Variants in CNIH3 observed in about 807,000 individuals in gnomAD.
CNIH3 encodes protein cornichon homolog 3.
In CNIH3, 14 loss-of-function variants were observed where a neutral mutation model predicts 24.1. The ratio of observed to expected loss-of-function variants is 0.58; its 90% CI spans 0.38 to 0.91. The LOEUF (loss-of-function observed/expected upper bound fraction) is 0.91, where lower values mean the gene tolerates loss of function less well. Ranked by LOEUF, CNIH3 falls within the 40% of genes least tolerant of loss-of-function variation. The probability of loss-of-function intolerance (pLI) is 0.00; values close to 1 mark genes in which losing one functional copy is unlikely to be tolerated. For synonymous variants in CNIH3, 68 were observed against 73.8 expected, an observed-to-expected ratio of 0.92 and a Z score of 0.40; for missense variants, 178 against 196.8, an observed-to-expected ratio of 0.90 and a Z score of 0.57.
intron 1 of CNIH3, among the ~76,000 whole-genome samples, chr1:224,436,426 T>G (rs186054404): frequency 6.6e-6 from 1 of 152,356 alleles, no homozygotes. Context: ...AAGACTTGCT[T>G]CTGAATAAAG....
In CNIH3 at chr1:224,684,804, G is replaced by T; in HGVS notation, c.159G>T (p.Arg53=). The change falls in exon 3 of 6, where the codon CGG becomes CGT. Residue 53 remains arginine, a synonymous_variant. Coordinates refer to ENST00000272133, the MANE Select transcript of CNIH3 (RefSeq NM_152495.2). The surrounding 1 kb of genome is among the most constrained non-coding windows in gnomAD (Gnocchi z 4.2). ...DQCNPVHARE[R]LRNIERICFL... ...CTTGTGCATCCTGATAGAGGGAACG[G>T]TTGAGGAACATCGAGCGCATCTGCT... The T allele has an allele frequency of 6.2e-7, 1 of 1,614,094 alleles. No individual in the cohort carries two copies. Among genetic ancestry groups the T allele is most frequent in the East Asian group, 2.2e-5 (1 of 44,876 alleles).
chr1:224,646,791 AAAT>A (rs1684627018), intron 1 of CNIH3, among the ~76,000 whole-genome samples: 1 of 152,156 alleles, frequency 6.6e-6, no homozygotes, highest in Non-Finnish European at 1.5e-5. Flanking sequence ...CGGTTGACAG[AAAT>A]AATATTTGTT....
Position 224,684,788 on chromosome 1 carries a change from C to T in CNIH3, c.151-8C>T. 5.6e-6 allele frequency: 9 copies of T among 1,613,664 alleles called. No homozygotes were observed. The highest frequency in any genetic ancestry group is 7.6e-6 in the Non-Finnish European group (9 of 1,179,582). On this transcript the variant is annotated splice_polypyrimidine_tract_variant and splice_region_variant and intron_variant, in intron 2 of 5. Transcript: ENST00000272133. The surrounding 1 kb of genome is among the most constrained non-coding windows in gnomAD (Gnocchi z 4.2). Reference sequence around the variant, plus strand: ...CCCCTCTCATTTCTTTCTTGTGCATCCTGATAGAGGGAACGGTTGAGGAAC... The same window carrying T: ...CCCCTCTCATTTCTTTCTTGTGCATTCTGATAGAGGGAACGGTTGAGGAAC...
intron 3 of CNIH3, among the ~76,000 whole-genome samples, chr1:224,721,994 C>T (rs1688748425): frequency 6.6e-6 from 1 of 152,118 alleles, no homozygotes; most frequent in African/African-American, 2.4e-5. Context: ...AAGCCAGGAG[C>T]CAGAGACAAC....
intron 3 of CNIH3, among the ~76,000 whole-genome samples, chr1:224,689,196 C>G (rs1361774945): frequency 1.3e-5 from 2 of 152,132 alleles, no homozygotes; most frequent in Non-Finnish European, 2.9e-5. Context: ...TCCATGTAAC[C>G]CACAGTGTGT....
chr1:224,733,132 C>A (rs1412437562), intron 4 of CNIH3, among the ~76,000 whole-genome samples: 1 of 152,190 alleles, frequency 6.6e-6, no homozygotes, highest in African/African-American at 2.4e-5. Context: ...CTGCTGTTGA[C>A]TCAGTACCTG....
chr1:224,677,559 C>T (rs1433383736), intron 1 of CNIH3, among the ~76,000 whole-genome samples: 1 of 152,230 alleles, frequency 6.6e-6, no homozygotes, highest in East Asian at 1.9e-4. Context: ...TCTCATGGAG[C>T]TCAAAGGCAT....
chr1:224,730,200 G>A (rs1300415871), intron 3 of CNIH3: 1 of 350,190 alleles, frequency 2.9e-6, no homozygotes, highest in South Asian at 6.2e-5. Flanking sequence ...CTAGGAGCAA[G>A]CGTGGTATTC....
intron 2 of CNIH3, among the ~76,000 whole-genome samples, chr1:224,522,438 C>T (rs1047982066): frequency 2.6e-5 from 4 of 152,078 alleles, no homozygotes; most frequent in African/African-American, 9.7e-5. Flanking sequence ...CAACCATCCT[C>T]GGGGTTATCA....
chr1:224,598,103 A>G (rs1036731237), intron 3 of CNIH3, among the ~76,000 whole-genome samples: 1 of 152,248 alleles, frequency 6.6e-6, no homozygotes, highest in African/African-American at 2.4e-5. Context: ...CCATTCTAAC[A>G]TGCCATTAAG....
rs1272444756 is a variant in CNIH3 at position 224,684,760 on chromosome 1, C to G, written c.151-36C>G. 1.9e-6 allele frequency: 3 copies of G among 1,598,196 alleles called. No homozygotes were observed. The highest frequency in any genetic ancestry group is 1.3e-5 in the African/African-American group (1 of 74,572). On this transcript the variant is annotated intron_variant, in intron 2 of 5. Coordinates refer to ENST00000272133, the MANE Select transcript of CNIH3 (RefSeq NM_152495.2). This position sits in a 1 kb window ranked among gnomAD's most constrained non-coding sequence, Gnocchi z 4.2. ...CATGCTATTTTAGCAGAACCCCTAA[C>G]CTCCCCTCTCATTTCTTTCTTGTGC...
chr1:224,736,326 A>G (rs1689589901), intron 5 of CNIH3, among the ~76,000 whole-genome samples: 2 of 150,102 alleles, frequency 1.3e-5, no homozygotes, highest in South Asian at 2.1e-4. Context: ...GGGTTTTGCT[A>G]TGTTGCCCAG....
At chr1:224,504,994 T>TCCCTCCCTCCC (rs1677833672) in intron 1 of CNIH3, among the ~76,000 whole-genome samples, 1 of 67,902 alleles carries the variant, frequency 1.5e-5, no homozygotes, top group African/African-American at 6.3e-5. Flanking sequence ...TATTTTCCCT[T>TCCCTCCCTCCC]TCCCTCCCTC....
At chr1:224,547,049 C>T (rs995093355) in intron 3 of CNIH3, 5 of 221,330 alleles carry the variant, frequency 2.3e-5, no homozygotes, top group East Asian at 1.8e-4. Context: ...TGTGCATACA[C>T]GCAAGGTTGT....
At chr1:224,731,930 AG>A (rs1310826467) in intron 4 of CNIH3, among the ~76,000 whole-genome samples, 1 of 152,270 alleles carries the variant, frequency 6.6e-6, no homozygotes, top group African/African-American at 2.4e-5. Context: ...GTTGGCAGGC[AG>A]CTGAGAGTAT....
chr1:224,739,295 C>CTTT lies in CNIH3; in HGVS notation c.456-11_456-9dup, dbSNP rs11342205. 1,419 of 1,341,802 alleles carry CTTT rather than the reference C, an allele frequency of 1.1e-3. 1 individual carries two copies. The highest frequency in any genetic ancestry group is 3.8e-3 in the South Asian group (282 of 74,508). The allele number at this position is 1,341,802 out of a possible 1,614,324, so 83.1% of individuals were successfully genotyped here. Reference sequence around the variant, plus strand: ...TGGGCTTCTACTAACACCTTCCTCTCTTTTTTTTTTTTTTTTTTTTTTTTT... The same window carrying CTTT: ...TGGGCTTCTACTAACACCTTCCTCTCTTTTTTTTTTTTTTTTTTTTTTTTTTTT... On this transcript the variant is annotated intron_variant, in intron 5 of 5. Coordinates refer to ENST00000272133, the MANE Select transcript of CNIH3 (RefSeq NM_152495.2).
At chr1:224,651,261 GA>G (rs1173666266) in intron 1 of CNIH3, among the ~76,000 whole-genome samples, 3 of 152,146 alleles carry the variant, frequency 2.0e-5, no homozygotes, top group South Asian at 2.1e-4. Flanking sequence ...CTGATTATGG[GA>G]AAAAACATCA....
chr1:224,736,168 C>A (rs1357491034), intron 5 of CNIH3, among the ~76,000 whole-genome samples: 1 of 152,154 alleles, frequency 6.6e-6, no homozygotes, highest in Non-Finnish European at 1.5e-5. Context: ...CTCTGTCTCC[C>A]AGGCTAGACT....
chr1:224,583,041 G>C (rs1342658038), intron 4 of CNIH3: 1 of 152,178 alleles, frequency 6.6e-6, no homozygotes, highest in Non-Finnish European at 1.5e-5. Context: ...GTGGATTATG[G>C]AGATGCAACA....
Sources: allele counts gnomAD v4.1 joint callset (sites outside exome capture counted in the v4.1 genomes callset), GRCh38; gene constraint gnomAD v4.1.1; non-coding constraint Gnocchi (gnomAD v3.1); transcripts MANE v1.5; gene names NCBI Gene and HGNC (gene_info 2026-07-23, HGNC 2026-07-21).